Variants in ASTN2 observed in about 807,000 individuals in gnomAD.
ASTN2 encodes astrotactin 2, also known as astrotactin-2.
In ASTN2, 54 loss-of-function variants were observed where a neutral mutation model predicts 139.8. The observed-to-expected ratio is 0.39, with a 90% CI of 0.31 to 0.48. ASTN2 has a LOEUF of 0.48. ASTN2 is among the 20% of genes least tolerant of loss of function. The probability of loss-of-function intolerance (pLI) is 0.95; values close to 1 mark genes in which losing one functional copy is unlikely to be tolerated. For synonymous variants in ASTN2, 756 were observed against 719.5 expected (o/e 1.05, Z -0.81); for missense variants, 1,565 against 1,725.1 (o/e 0.91, Z 1.64).
At chr9:116,793,080 T>C (rs750705863) in intron 13 of ASTN2, among the ~76,000 whole-genome samples, 3 of 151,650 alleles carry the variant, frequency 2.0e-5, no homozygotes, top group Non-Finnish European at 1.5e-5. Context: ...AACCTGCACA[T>C]GTACCCCCTG....
At chr9:117,364,875 G>A (rs191559085) in intron 1 of ASTN2, among the ~76,000 whole-genome samples, 153 of 151,828 alleles carry the variant, frequency 1.0e-3, no homozygotes, top group African/African-American at 1.6e-3. Context: ...CACTTTGGAA[G>A]GCCAAGGTGG....
intron 6 of ASTN2, among the ~76,000 whole-genome samples, chr9:117,015,013 T>C (rs1172927164): frequency 6.6e-6 from 1 of 152,088 alleles, no homozygotes; most frequent in Admixed American, 6.6e-5. Context: ...TTTTTGTTTG[T>C]TGTTTGTTGT....
intron 4 of ASTN2, among the ~76,000 whole-genome samples, chr9:117,127,672 G>GTTTTTTTTTTTTTTTTTTTT (rs11427891): frequency 4.2e-5 from 3 of 70,898 alleles, no homozygotes; most frequent in African/African-American, 1.2e-4. Context: ...TTTTGTTTTG[G>GTTTTTTTTTTTTTTTTTTTT]TTTTTTTTTT....
chr9:116,558,057 T>C (rs1278037178), intron 19 of ASTN2, among the ~76,000 whole-genome samples: 1 of 152,172 alleles, frequency 6.6e-6, no homozygotes, highest in Non-Finnish European at 1.5e-5. Flanking sequence ...AGCAAATGAG[T>C]ACTGTGATCC....
At chr9:117,254,071 A>G (rs1833615641) in intron 2 of ASTN2, among the ~76,000 whole-genome samples, 1 of 152,142 alleles carries the variant, frequency 6.6e-6, no homozygotes, top group Non-Finnish European at 1.5e-5. Context: ...TTCCAACGCC[A>G]GCTTTGCTTT....
chr9:116,928,498 T>A (rs1442957022), intron 10 of ASTN2, among the ~76,000 whole-genome samples: 3 of 152,208 alleles, frequency 2.0e-5, no homozygotes, highest in Non-Finnish European at 4.4e-5. Flanking sequence ...ACCTTGTATG[T>A]ACTTCCAGTT....
At chr9:117,286,497 C>G (rs1490392334) in intron 2 of ASTN2, among the ~76,000 whole-genome samples, 2 of 152,072 alleles carry the variant, frequency 1.3e-5, no homozygotes, top group African/African-American at 4.8e-5. Flanking sequence ...TCCTGGCTTC[C>G]CACTTTCTAA....
rs1010902695 is a variant in ASTN2, at chr9:116,691,008, C to G, written c.2806+34763G>C. ...AATCACAGTTCACTGCAGCCTCAAC[C>G]TCCTAGGCTCAAGTGATCCTCCCAT... On this transcript the variant is annotated intron_variant, in intron 16 of 22. Transcript: ENST00000313400. 3.9e-5 allele frequency among the ~76,000 whole-genome samples: 6 copies of G among 152,246 alleles called. No homozygotes were observed. The East Asian group carries it at 1.2e-3, about 29-fold the overall frequency.
Position 117,253,739 on chromosome 9 carries a change from G to C in ASTN2, c.630+37587C>G, listed in dbSNP as rs75632687. Among the ~76,000 whole-genome samples, 1,141 of 152,288 alleles carry C rather than the reference G, an allele frequency of 7.5e-3. 23 individuals are homozygous for C. The highest frequency in any genetic ancestry group is 0.027 in the African/African-American group (1,108 of 41,566). Reference sequence around the variant, plus strand: ...CCAGGCAATATCTGATGGTGTCAAAGCATCCATGAAACAGGAGCTGGGGCA... The same window carrying C: ...CCAGGCAATATCTGATGGTGTCAAACCATCCATGAAACAGGAGCTGGGGCA... On this transcript the variant is annotated intron_variant, in intron 2 of 22. Transcript: ENST00000313400.
intron 13 of ASTN2, among the ~76,000 whole-genome samples, chr9:116,746,083 C>CTTT (rs745554164): frequency 2.2e-4 from 27 of 124,252 alleles, no homozygotes; most frequent in Non-Finnish European, 3.7e-4. Flanking sequence ...AAACTGAGTA[C>CTTT]TTTTTTTTTT....
chr9:116,711,394 G>A (rs1478317979), intron 16 of ASTN2, among the ~76,000 whole-genome samples: 1 of 152,182 alleles, frequency 6.6e-6, no homozygotes, highest in African/African-American at 2.4e-5. Flanking sequence ...ATGGCAGCAG[G>A]AAAGTAGCTT....
intron 2 of ASTN2, among the ~76,000 whole-genome samples, chr9:117,288,488 AAT>A (rs376062747): frequency 2.8e-4 from 43 of 152,306 alleles, no homozygotes; most frequent in Middle Eastern, 6.8e-3. Context: ...AGATGAAAAC[AAT>A]AGTGTATCCA....
chr9:117,018,158 A>G (rs563800323), intron 6 of ASTN2, among the ~76,000 whole-genome samples: 1 of 152,208 alleles, frequency 6.6e-6, no homozygotes, highest in East Asian at 1.9e-4. Context: ...TGCCTGGCAT[A>G]TATTAGGTGC....
chr9:116,806,662 T>G (rs1175160445), intron 12 of ASTN2, among the ~76,000 whole-genome samples: 1 of 152,190 alleles, frequency 6.6e-6, no homozygotes, highest in Non-Finnish European at 1.5e-5. Context: ...ATTTTTCTCC[T>G]TGTGACCTAT....
At chr9:116,877,712 A>G (rs578047688) in intron 10 of ASTN2, among the ~76,000 whole-genome samples, 5 of 152,216 alleles carry the variant, frequency 3.3e-5, no homozygotes, top group East Asian at 1.9e-4. Context: ...GAGAGCTGGG[A>G]TGATGTGTAT....
At chr9:117,349,701 T>C (rs1353530347) in intron 1 of ASTN2, among the ~76,000 whole-genome samples, 1 of 152,094 alleles carries the variant, frequency 6.6e-6, no homozygotes, top group Non-Finnish European at 1.5e-5. Flanking sequence ...AAGGGAAAAA[T>C]AATTGTCTTG....
intron 3 of ASTN2, among the ~76,000 whole-genome samples, chr9:117,198,470 G>A (rs938720358): frequency 1.3e-5 from 2 of 152,034 alleles, no homozygotes; most frequent in Non-Finnish European, 2.9e-5. Context: ...GTGCAGGTTT[G>A]TTACATAGGT....
intron 11 of ASTN2, among the ~76,000 whole-genome samples, chr9:116,844,432 G>A (rs1432818793): frequency 6.6e-6 from 1 of 152,164 alleles, no homozygotes. Flanking sequence ...AAGCCAGTAT[G>A]CAAGGCAAAT....
At chr9:116,457,209 A>G (rs530230646) in intron 20 of ASTN2, among the ~76,000 whole-genome samples, 1 of 152,296 alleles carries the variant, frequency 6.6e-6, no homozygotes, top group Admixed American at 6.5e-5. Flanking sequence ...AATCAAAATA[A>G]TTAAAAAAGT....
Sources: gnomAD v4.1 joint callset for allele counts (sites outside exome capture counted in the v4.1 genomes callset) on GRCh38, gnomAD v4.1.1 for gene constraint, MANE v1.5 for transcripts, NCBI Gene and HGNC (gene_info 2026-07-23, HGNC 2026-07-21) for gene names.